The following SLC24A2 variants were observed in gnomAD, a reference collection of about 807,000 sequenced individuals.
SLC24A2 encodes the protein sodium/potassium/calcium exchanger 2.
SLC24A2 carries 36 observed loss-of-function variants against 62.0 expected under a neutral mutation model. That is an observed-to-expected ratio of 0.58 (90% confidence interval 0.44 to 0.77). The LOEUF (loss-of-function observed/expected upper bound fraction) is 0.77, where lower values mean the gene tolerates loss of function less well. SLC24A2 is among the 30% of genes least tolerant of loss of function. SLC24A2 has a pLI of 0.00. For missense variants in SLC24A2, 846 were observed against 817.9 expected (o/e 1.03, Z -0.42); for synonymous variants, 358 against 294.0 (o/e 1.22, Z -2.23).
At chr9:20,073,469 T>C in the SLC24A2 span, among the ~76,000 whole-genome samples, 3 of 152,130 alleles carry the variant, frequency 2.0e-5, no homozygotes, top group Non-Finnish European at 4.4e-5. Context: ...AGATATCCCA[T>C]TCTATTCATA....
At chr9:20,214,164 T>C in the SLC24A2 span, among the ~76,000 whole-genome samples, 1 of 152,174 alleles carries the variant, frequency 6.6e-6, no homozygotes, top group African/African-American at 2.4e-5. Flanking sequence ...TCAATGAACA[T>C]AGTCAAATTC....
the SLC24A2 span, among the ~76,000 whole-genome samples, chr9:19,973,941 G>A: frequency 6.6e-6 from 1 of 152,080 alleles, no homozygotes; most frequent in African/African-American, 2.4e-5. Context: ...AGTGTAATAA[G>A]TTAGGATGAT....
the SLC24A2 span, among the ~76,000 whole-genome samples, chr9:20,240,367 G>T: frequency 2.6e-5 from 4 of 152,174 alleles, no homozygotes; most frequent in Non-Finnish European, 5.9e-5. Context: ...TGGCCCTAAG[G>T]CTAAGTGCTG....
chr9:19,708,677 T>A (rs13287573), intron 2 of SLC24A2, among the ~76,000 whole-genome samples: 28,378 of 152,132 alleles, frequency 0.19, 2,818 homozygotes, highest in Middle Eastern at 0.24. Context: ...ATTTAATAAA[T>A]GGTGCTGGGA....
At chr9:19,621,199 G>A (rs1198692357) in intron 3 of SLC24A2, among the ~76,000 whole-genome samples, 3 of 152,218 alleles carry the variant, frequency 2.0e-5, no homozygotes, top group African/African-American at 7.2e-5. Flanking sequence ...TAGAAAGTAT[G>A]AGTAAAATAT....
the SLC24A2 span, among the ~76,000 whole-genome samples, chr9:19,863,246 A>G: frequency 6.6e-6 from 1 of 152,066 alleles, no homozygotes; most frequent in Non-Finnish European, 1.5e-5. Flanking sequence ...CATAAAGCAA[A>G]TATTATCATA....
At chr9:19,756,663 T>A (rs777077775) in intron 2 of SLC24A2, among the ~76,000 whole-genome samples, 1 of 152,148 alleles carries the variant, frequency 6.6e-6, no homozygotes, top group East Asian at 1.9e-4. Context: ...CACTACTGAT[T>A]ATCCTAAAGT....
At chr9:19,874,636 C>G in the SLC24A2 span, among the ~76,000 whole-genome samples, 1 of 152,328 alleles carries the variant, frequency 6.6e-6, no homozygotes, top group South Asian at 2.1e-4. Flanking sequence ...GCATCCACAT[C>G]TCTCTTTGCC....
At chr9:19,893,834 C>T in the SLC24A2 span, among the ~76,000 whole-genome samples, 1 of 152,120 alleles carries the variant, frequency 6.6e-6, no homozygotes, top group African/African-American at 2.4e-5. Context: ...TGTCAAATTG[C>T]ACCTCATGTT....
At chr9:19,795,158 G>A in the SLC24A2 span, among the ~76,000 whole-genome samples, 1 of 152,178 alleles carries the variant, frequency 6.6e-6, no homozygotes, top group African/African-American at 2.4e-5. Flanking sequence ...AAGTTGTTCA[G>A]CTGGAACAAA....
chr9:20,042,100 C>T, the SLC24A2 span, among the ~76,000 whole-genome samples: 2 of 152,226 alleles, frequency 1.3e-5, no homozygotes, highest in Non-Finnish European at 2.9e-5. Context: ...GAGGGGAGCA[C>T]TGTCCCTGGT....
At chr9:20,050,752 G>C in the SLC24A2 span, among the ~76,000 whole-genome samples, 1 of 152,132 alleles carries the variant, frequency 6.6e-6, no homozygotes, top group Non-Finnish European at 1.5e-5. Context: ...TGTTGGGCCT[G>C]ACTTAAAATT....
At position 19,576,705 on chromosome 9, in the gene SLC24A2, CTCT is replaced by C. The variant is rs755660942; in HGVS notation, c.1228+216_1228+218del. Among the ~76,000 whole-genome samples the C allele has an allele frequency of 4.6e-5, 7 of 152,264 alleles. No individual in the cohort carries two copies. In the South Asian group the frequency reaches 1.4e-3, roughly 32 times the overall value. On this transcript the variant is annotated intron_variant, in intron 6 of 10. Coordinates refer to ENST00000341998, the MANE Select transcript of SLC24A2 (RefSeq NM_020344.4). ...TCAGGTTCCTCAGAGAATAAATTTA[CTCT>C]TCTTGGACTTCTAGAGTTACTGGTG... is the stretch of plus-strand genomic sequence containing the variant.
At chr9:19,550,537 T>A (rs1834793014) in intron 7 of SLC24A2, among the ~76,000 whole-genome samples, 1 of 152,200 alleles carries the variant, frequency 6.6e-6, no homozygotes, top group East Asian at 1.9e-4. Context: ...ATTATTCAAC[T>A]GGAGTGGGCT....
At chr9:20,087,425 T>A in the SLC24A2 span, among the ~76,000 whole-genome samples, 1 of 152,168 alleles carries the variant, frequency 6.6e-6, no homozygotes, top group Non-Finnish European at 1.5e-5. Flanking sequence ...CTGGGGCTCA[T>A]ATATCAGGCC....
At chr9:19,977,402 A>G in the SLC24A2 span, among the ~76,000 whole-genome samples, 1 of 152,078 alleles carries the variant, frequency 6.6e-6, no homozygotes, top group Non-Finnish European at 1.5e-5. Flanking sequence ...AAGGAGAAAA[A>G]TAATGAAATA....
the SLC24A2 span, among the ~76,000 whole-genome samples, chr9:20,292,597 TTC>T: frequency 6.6e-6 from 1 of 152,088 alleles, no homozygotes; most frequent in Non-Finnish European, 1.5e-5. Flanking sequence ...TGTCTTACGG[TTC>T]TGTTTTTTGT....
chr9:19,780,614 T>C lies in SLC24A2; in HGVS notation c.930+5323A>G, dbSNP rs377318216. On this transcript the variant is annotated intron_variant, in intron 2 of 10. Transcript: ENST00000341998. ...AAGCATCAAGATAATAGAAATAGAGTGTAGGCTCACGCCTGTAATCCCAGC... is the reference window on the plus strand; with the variant it reads ...AAGCATCAAGATAATAGAAATAGAGCGTAGGCTCACGCCTGTAATCCCAGC... Among the ~76,000 whole-genome samples, 13 of 150,248 alleles carry C rather than the reference T, an allele frequency of 8.7e-5. No homozygotes were observed. In the South Asian group the frequency reaches 2.5e-3, roughly 29 times the overall value.
chr9:19,528,013 A>G, intron 9 of SLC24A2, 36 bp downstream of exon 9: 2 of 1,311,984 alleles, frequency 1.5e-6, no homozygotes, highest in Non-Finnish European at 2.2e-6. Flanking sequence ...GACTGGAGAA[A>G]AACAAGGCAG....
Sources: gnomAD v4.1 joint callset for allele counts (sites outside exome capture counted in the v4.1 genomes callset) on GRCh38, gnomAD v4.1.1 for gene constraint, MANE v1.5 for transcripts, NCBI Gene and HGNC (gene_info 2026-07-23, HGNC 2026-07-21) for gene names.